MAN2A2: variants seen among roughly 807,000 people sequenced by gnomAD.
The protein encoded by MAN2A2 is mannosidase alpha class 2A member 2, also known as alpha-mannosidase 2x.
In MAN2A2, 79 loss-of-function variants were observed where a neutral mutation model predicts 126.8. The observed-to-expected ratio is 0.62, with a 90% CI of 0.52 to 0.75. The LOEUF (loss-of-function observed/expected upper bound fraction) is 0.75, where lower values mean the gene tolerates loss of function less well. Among genes scored for constraint, MAN2A2 ranks in the 30% least tolerant of loss-of-function variants. The pLI, the probability that MAN2A2 is intolerant of heterozygous loss-of-function variation, is 0.00. For missense variants in MAN2A2, 1,392 were observed against 1,522.4 expected (o/e 0.91, Z 1.43); for synonymous variants, 671 against 618.7 (o/e 1.08, Z -1.25).
intron 9 of MAN2A2, among the ~76,000 whole-genome samples, 185 bp downstream of exon 9, chr15:90,909,689 C>T (rs899095527): frequency 5.3e-5 from 8 of 151,922 alleles, no homozygotes; most frequent in Admixed American, 2.0e-4. Context: ...CTGCCAGCTC[C>T]GCCTCCCGGG....
At chr15:90,904,033 A>G (rs1352162830) in intron 1 of MAN2A2, 157 bp from the exon 2 acceptor site, 2 of 765,202 alleles carry the variant, frequency 2.6e-6, no homozygotes, top group Non-Finnish European at 4.6e-6. Flanking sequence ...TACCAGGACC[A>G]GGTGGGCCAG....
intron 20 of MAN2A2, among the ~76,000 whole-genome samples, chr15:90,917,225 G>A (rs796170445): frequency 9.8e-5 from 15 of 152,334 alleles, no homozygotes; most frequent in African/African-American, 3.6e-4. Flanking sequence ...TAGACCATGT[G>A]GTGTCGGATA....
At chr15:90,910,397 G>T in intron 10 of MAN2A2, 104 bp from the exon 11 acceptor site, 1 of 1,572,208 alleles carries the variant, frequency 6.4e-7, no homozygotes, top group Non-Finnish European at 8.7e-7. Flanking sequence ...CCAGAGGCCA[G>T]GGCAGGTAGA....
Position 90,913,551 on chromosome 15 carries a change from TG to T in MAN2A2, c.2719-59del, listed in dbSNP as rs954909642. On this transcript the variant is annotated intron_variant, in intron 18 of 22. Transcript: ENST00000559717. ...AGAGTTATCGGGGACTCCTTCAGTC[TG>T]GGGACCGCTTGGGCCCACATGGTGC... 3.8e-6 allele frequency: 6 copies of T among 1,573,376 alleles called. No individual in the cohort carries two copies. The African/African-American group carries it at 8.1e-5, about 21-fold the overall frequency.
Position 90,905,431 on chromosome 15 carries a change from C to G in MAN2A2, c.313C>G (p.Arg105Gly). 1 of 1,613,804 alleles carries G rather than the reference C, an allele frequency of 6.2e-7. No homozygotes were observed. Among genetic ancestry groups the G allele is most frequent in the Non-Finnish European group, 8.5e-7 (1 of 1,180,016 alleles). The change falls in exon 3 of 23, where the codon CGG (arginine) becomes GGG (glycine). Residue 105 changes from arginine (R) to glycine (G), a missense_variant. Transcript: ENST00000559717. ...CTCCTGGGTGGTGCCACCGGAGCCC[C>G]GGCCCAGCTTCTTCTCCATCTCCCC... ...NGSWVVPPEP[R>G]PSFFSISPQD...
Position 90,905,263 on chromosome 15 carries a change from G to A in MAN2A2, c.145G>A (p.Val49Met), listed in dbSNP as rs1250346940. 1 of 1,612,638 alleles carries A rather than the reference G, an allele frequency of 6.2e-7. No individual in the cohort carries two copies. The highest frequency in any genetic ancestry group is 1.7e-5 in the Admixed American group (1 of 60,020). The change falls in exon 3 of 23, where the codon GTG (valine) becomes ATG (methionine). Residue 49 changes from valine (V) to methionine (M), a missense_variant. Physicochemically the swap from Val to Met is conservative, Grantham distance 21. Coordinates refer to ENST00000559717, the MANE Select transcript of MAN2A2 (RefSeq NM_006122.4). ...GGTTTTTTGGCAGAGCCAAATTTCTGTGCTGCAGAACCGCATTGAGCAGCT... is the reference window on the plus strand; with the variant it reads ...GGTTTTTTGGCAGAGCCAAATTTCTATGCTGCAGAACCGCATTGAGCAGCT... ...GGNFPRSQIS[V>M]LQNRIEQLEQ...
At chr15:90,913,142 A>G (rs1471640661) in intron 17 of MAN2A2, 131 bp from the exon 18 acceptor site, 4 of 1,290,306 alleles carry the variant, frequency 3.1e-6, no homozygotes, top group Non-Finnish European at 4.3e-6. Context: ...AGTCATCCAG[A>G]AATGCCCTGG....
chr15:90,918,277 G>T lies in MAN2A2; in HGVS notation c.3078G>T (p.Leu1026=). 1 of 1,614,170 alleles carries T rather than the reference G, an allele frequency of 6.2e-7. No homozygotes were observed. The highest frequency in any genetic ancestry group is 8.5e-7 in the Non-Finnish European group (1 of 1,180,016). The part of the protein sequence containing the change: ...SMYLNAPALA[L]PVARMQLPGP... ...ACCTGAACGCCCCGGCGCTCGCTCT[G>T]CCTGTAGCCAGGATGCAGCTCCCAG... Residue 1026 remains leucine (L), a synonymous_variant, in exon 21 of 23, where the codon CTG becomes CTT. Coordinates refer to ENST00000559717, the MANE Select transcript of MAN2A2 (RefSeq NM_006122.4).
At position 90,910,959 on chromosome 15, in the gene MAN2A2, GT is replaced by G; in HGVS notation, c.1874del (p.Val625GlyfsTer6). On this transcript the variant is annotated frameshift_variant and splice_region_variant, in exon 12 of 23. Coordinates refer to ENST00000559717, the MANE Select transcript of MAN2A2 (RefSeq NM_006122.4). LOFTEE classifies it high-confidence loss of function. ...TGACCCTGAGGCGCCCTTCCTCCAA[GT>G]GGTGAGCCCCTCCTGGGTCTGCATG... ...HFDPEAPFLQVDDTRLSHDAL... is the reference protein window; with the variant it reads ...HFDPEAPFLQXDDTRLSHDAL... The G allele has an allele frequency of 6.2e-7, 1 of 1,613,038 alleles. No homozygotes were observed. The highest frequency in any genetic ancestry group is 8.5e-7 in the Non-Finnish European group (1 of 1,179,116).
In MAN2A2 at chr15:90,919,871, C is replaced by A; in HGVS notation, c.*84C>A. On this transcript the variant is annotated 3_prime_UTR_variant, in exon 23 of 23. Transcript: ENST00000559717. ...TCATTGGACAAGCCACACGGGTATCCCATCCCGATCTGCCTCCCAGAACTG... is the reference window on the plus strand; with the variant it reads ...TCATTGGACAAGCCACACGGGTATCACATCCCGATCTGCCTCCCAGAACTG... 6.8e-7 allele frequency: 1 copy of A among 1,477,734 alleles called. No individual in the cohort carries two copies. Among genetic ancestry groups the A allele is most frequent in the Non-Finnish European group, 9.3e-7 (1 of 1,072,492 alleles). 91.5% of individuals were successfully genotyped at this position (1,477,734 alleles called of 1,614,324 possible). A position where few individuals can be genotyped will look rare whatever the true frequency, so the allele number is the denominator to read the frequency against.
intron 8 of MAN2A2, among the ~76,000 whole-genome samples, chr15:90,907,990 G>A (rs913739572): frequency 2.6e-5 from 4 of 152,216 alleles, no homozygotes; most frequent in Non-Finnish European, 5.9e-5. Flanking sequence ...GGTAAGAGTT[G>A]ATCCAAACAG....
chr15:90,905,546 G>T (rs574491226), intron 3 of MAN2A2, 33 bp from the exon 4 acceptor site: 2 of 1,614,110 alleles, frequency 1.2e-6, no homozygotes, highest in East Asian at 2.2e-5. Context: ...CAGTGGCCAC[G>T]ACTGGGGTAC....
chr15:90,915,945 G>A (rs1198309210), intron 19 of MAN2A2, 178 bp from the exon 20 acceptor site: 12 of 598,472 alleles, frequency 2.0e-5, no homozygotes, highest in African/African-American at 5.6e-5. Context: ...GGCCCAGGAC[G>A]AGCCCCTCAT....
intron 19 of MAN2A2, 34 bp downstream of exon 19, chr15:90,913,789 C>G (rs370270749): frequency 6.4e-7 from 1 of 1,554,872 alleles, no homozygotes; most frequent in South Asian, 1.2e-5. Flanking sequence ...CAGAGGGTAT[C>G]AGACAAAAAG....
intron 19 of MAN2A2, among the ~76,000 whole-genome samples, chr15:90,914,352 G>A (rs766687997): frequency 3.5e-4 from 53 of 152,038 alleles, no homozygotes; most frequent in Non-Finnish European, 6.9e-4. Flanking sequence ...GAAGCATCAG[G>A]GTATTGAACA....
rs1213907629 is a variant in MAN2A2, at chr15:90,919,763, T to C, written c.3429T>C (p.Ala1143=). 6.2e-7 allele frequency: 1 copy of C among 1,614,226 alleles called. No homozygotes were observed. The highest frequency in any genetic ancestry group is 8.5e-7 in the Non-Finnish European group (1 of 1,180,028). The stretch of plus-strand genomic sequence containing the variant: ...TCTATTTGGAGCCCATGGAGATTGC[T>C]ACCTTTCGCCTCCGCTTGGGTTAGG... ...TDVYLEPMEI[A]TFRLRLG is the part of the protein sequence containing the mutation. Residue 1143 remains alanine (A), a synonymous_variant, in exon 23 of 23, where the codon GCT becomes GCC. Coordinates refer to ENST00000559717, the MANE Select transcript of MAN2A2 (RefSeq NM_006122.4).
At chr15:90,909,295 G>C (rs368153370) in intron 8 of MAN2A2, 32 bp from the exon 9 acceptor site, 1 of 1,589,980 alleles carries the variant, frequency 6.3e-7, no homozygotes, top group Non-Finnish European at 8.6e-7. Flanking sequence ...ATGAGACTTC[G>C]TGGTGGGCCC....
intron 19 of MAN2A2, 141 bp downstream of exon 19, chr15:90,913,896 T>C: frequency 8.7e-7 from 1 of 1,149,724 alleles, no homozygotes; most frequent in Non-Finnish European, 1.2e-6. Flanking sequence ...GGGCAAGCCA[T>C]TCAGAGCTCT....
At position 90,911,502 on chromosome 15, in the gene MAN2A2, C is replaced by G. The variant is rs754296797; in HGVS notation, c.2061C>G (p.Ile687Met). ...AGGGTCAGCCCCTGGCCGTGCAGAT[C>G]AGCGCACACTGGAGCTCTGCCACCG... ...SEEGQPLAVQ[I>M]SAHWSSATEA... Residue 687 changes from isoleucine (I) to methionine (M), a missense_variant, in exon 14 of 23, where the codon ATC becomes ATG. By Grantham distance (10) the Ile-to-Met change is conservative (BLOSUM62 1). Coordinates refer to ENST00000559717, the MANE Select transcript of MAN2A2 (RefSeq NM_006122.4). The G allele has an allele frequency of 2.5e-6, 4 of 1,614,096 alleles. No individual in the cohort carries two copies. The highest frequency in any genetic ancestry group is 3.4e-6 in the Non-Finnish European group (4 of 1,180,030).
Sources: allele counts gnomAD v4.1 joint callset (sites outside exome capture counted in the v4.1 genomes callset), GRCh38; gene constraint gnomAD v4.1.1; transcripts MANE v1.5; gene names NCBI Gene and HGNC (gene_info 2026-07-23, HGNC 2026-07-21).